RBFOX1: variants seen among roughly 807,000 people sequenced by gnomAD.
RBFOX1 encodes RNA binding fox-1 homolog 1, also known as RNA binding protein fox-1 homolog 1.
In RBFOX1, 8 loss-of-function variants were observed where a neutral mutation model predicts 57.7. The observed-to-expected ratio is 0.14, with a 90% CI of 0.08 to 0.25. The LOEUF is 0.25. RBFOX1 is among the 10% of genes least tolerant of loss of function. The pLI, the probability that RBFOX1 is intolerant of heterozygous loss-of-function variation, is 1.00. For missense variants in RBFOX1, 611 were observed against 548.5 expected (o/e 1.11, Z -1.14); for synonymous variants, 326 against 222.4 (o/e 1.47, Z -4.15).
rs75873772 is a variant in RBFOX1 at position 6,545,142 on chromosome 16, C to T, written c.-63-109461C>T. Among the ~76,000 whole-genome samples the T allele has an allele frequency of 9.3e-3, 1,415 of 152,240 alleles. 15 individuals carry two copies. The highest frequency in any genetic ancestry group is 0.024 in the Middle Eastern group (7 of 294). On this transcript the variant is annotated intron_variant, in intron 2 of 15. Coordinates refer to ENST00000550418, the MANE Select transcript of RBFOX1 (RefSeq NM_018723.4). ...AAAAATCCGCGTACTTTTTCCCTAGCGCCATTTTTGCCACTTTAATCCAAA... is the reference window on the plus strand; with the variant it reads ...AAAAATCCGCGTACTTTTTCCCTAGTGCCATTTTTGCCACTTTAATCCAAA...
At chr16:6,426,706 T>A (rs2093939597) in intron 2 of RBFOX1, among the ~76,000 whole-genome samples, 1 of 152,112 alleles carries the variant, frequency 6.6e-6, no homozygotes, top group Non-Finnish European at 1.5e-5. Flanking sequence ...ATACCCCCAT[T>A]GAGACAGAAG....
intron 4 of RBFOX1, among the ~76,000 whole-genome samples, chr16:7,383,641 T>A (rs756228796): frequency 1.4e-4 from 21 of 152,182 alleles, no homozygotes; most frequent in Non-Finnish European, 2.5e-4. Context: ...GACACCTTCA[T>A]GATAAATTTA....
At chr16:5,773,222 A>G (rs940319257) in intron 3 of RBFOX1, among the ~76,000 whole-genome samples, 4 of 152,152 alleles carry the variant, frequency 2.6e-5, no homozygotes, top group Non-Finnish European at 4.4e-5. Flanking sequence ...TTAAGAGGTT[A>G]TTGCAATTAC....
chr16:7,323,924 A>G, intron 4 of RBFOX1, among the ~76,000 whole-genome samples: 1 of 142,968 alleles, frequency 7.0e-6, no homozygotes, highest in African/African-American at 2.7e-5. Context: ...GGGTAGACGG[A>G]TGGGTGGATG....
intron 7 of RBFOX1, among the ~76,000 whole-genome samples, chr16:7,594,388 G>A (rs1414957699): frequency 2.0e-5 from 3 of 152,172 alleles, no homozygotes; most frequent in Non-Finnish European, 4.4e-5. Flanking sequence ...ATTTCACCCA[G>A]TTTACAGTGA....
chr16:7,486,796 G>T (rs561839545), intron 4 of RBFOX1, among the ~76,000 whole-genome samples: 156 of 152,302 alleles, frequency 1.0e-3, no homozygotes, highest in African/African-American at 3.6e-3. Context: ...GCAATAGTCA[G>T]GGTTCCAACA....
intron 4 of RBFOX1, among the ~76,000 whole-genome samples, chr16:5,985,418 T>C (rs1159879220): frequency 6.6e-6 from 1 of 152,110 alleles, no homozygotes; most frequent in Admixed American, 6.5e-5. Flanking sequence ...GGTATAATAG[T>C]TGCTATTATG....
chr16:5,800,762 C>T (rs1039284344), intron 3 of RBFOX1, among the ~76,000 whole-genome samples: 1 of 152,100 alleles, frequency 6.6e-6, no homozygotes, highest in Non-Finnish European at 1.5e-5. Flanking sequence ...AACAGGGCCG[C>T]TCGGAAACCT....
At chr16:6,434,792 C>T (rs2094189526) in intron 2 of RBFOX1, among the ~76,000 whole-genome samples, 1 of 152,080 alleles carries the variant, frequency 6.6e-6, no homozygotes, top group South Asian at 2.1e-4. Flanking sequence ...AGAGAATGAC[C>T]ACCTGCATTT....
intron 4 of RBFOX1, among the ~76,000 whole-genome samples, chr16:7,139,176 C>CTCTCTCTCTCTCTCTCTCTGTGTG (rs372381673): frequency 6.9e-6 from 1 of 145,792 alleles, no homozygotes; most frequent in Non-Finnish European, 1.5e-5. Context: ...CAATCTCTCT[C>CTCTCTCTCTCTCTCTCTCTGTGTG]TGTGTGTGTG....
chr16:6,406,722 C>T (rs570242282), intron 2 of RBFOX1, among the ~76,000 whole-genome samples: 1 of 152,126 alleles, frequency 6.6e-6, no homozygotes, highest in African/African-American at 2.4e-5. Context: ...GATGCTGGGA[C>T]CCCCATCATG....
chr16:7,511,926 A>G (rs1385982175), intron 4 of RBFOX1, among the ~76,000 whole-genome samples: 3 of 152,184 alleles, frequency 2.0e-5, no homozygotes, highest in Admixed American at 1.3e-4. Context: ...TTGAGCAACA[A>G]CTCAAGAAAG....
At chr16:6,911,385 G>T (rs1412793943) in intron 3 of RBFOX1, among the ~76,000 whole-genome samples, 1 of 152,090 alleles carries the variant, frequency 6.6e-6, no homozygotes, top group Admixed American at 6.6e-5. Context: ...TCTAAGGGCT[G>T]GGAGGAGGAA....
intron 5 of RBFOX1, among the ~76,000 whole-genome samples, chr16:7,528,715 T>C (rs1271562620): frequency 6.6e-6 from 1 of 152,200 alleles, no homozygotes; most frequent in Non-Finnish European, 1.5e-5. Context: ...ATTTGGGTCA[T>C]GCATTAGTCA....
intron 3 of RBFOX1, among the ~76,000 whole-genome samples, chr16:5,819,578 C>T (rs562653630): frequency 6.6e-6 from 1 of 152,304 alleles, no homozygotes; most frequent in East Asian, 1.9e-4. Context: ...GACCTGGGTC[C>T]TTATCTTCTG....
chr16:5,745,756 G>A (rs1192868683), intron 3 of RBFOX1, among the ~76,000 whole-genome samples: 1 of 152,106 alleles, frequency 6.6e-6, no homozygotes, highest in Non-Finnish European at 1.5e-5. Context: ...AGAAGTGTCT[G>A]TTCATATCCT....
intron 1 of RBFOX1, among the ~76,000 whole-genome samples, chr16:6,183,002 T>G (rs2097076455): frequency 6.6e-6 from 1 of 152,096 alleles, no homozygotes. Context: ...ATCATATACA[T>G]TAATTCACTG....
At chr16:5,710,066 C>T (rs1481609141) in intron 3 of RBFOX1, among the ~76,000 whole-genome samples, 1 of 150,552 alleles carries the variant, frequency 6.6e-6, no homozygotes, top group Admixed American at 6.6e-5. Flanking sequence ...CTTCAGCACC[C>T]GGGACAGCTC....
chr16:6,806,838 T>TATATATATATA (rs1567331467), intron 3 of RBFOX1, among the ~76,000 whole-genome samples: 15 of 48,086 alleles, frequency 3.1e-4, no homozygotes, highest in East Asian at 2.3e-3. Context: ...ATATATATAT[T>TATATATATATA]TTTTTTTTTT....
Sources: allele counts gnomAD v4.1 joint callset (sites outside exome capture counted in the v4.1 genomes callset), GRCh38; gene constraint gnomAD v4.1.1; transcripts MANE v1.5; gene names NCBI Gene and HGNC (gene_info 2026-07-23, HGNC 2026-07-21).